GATD3: variants seen among roughly 807,000 people sequenced by gnomAD.
The protein encoded by GATD3 is glutamine amidotransferase-like class 1 domain-containing protein 3, mitochondrial.
the GATD3 span, among the ~76,000 whole-genome samples, chr21:44,142,047 C>T: frequency 5.3e-5 from 2 of 37,930 alleles, no homozygotes; most frequent in Admixed American, 3.2e-4. Flanking sequence ...CTGCAACCTC[C>T]GCCTCCCGGG....
At chr21:44,139,412 T>A in the GATD3 span, among the ~76,000 whole-genome samples, 8 of 37,532 alleles carry the variant, frequency 2.1e-4, no homozygotes, top group African/African-American at 4.2e-4. Flanking sequence ...GTTTCTTTTT[T>A]TGGGAACTCC....
At chr21:44,142,460 C>T in the GATD3 span, among the ~76,000 whole-genome samples, 1 of 57,938 alleles carries the variant, frequency 1.7e-5, no homozygotes, top group African/African-American at 3.6e-5. Context: ...CGTACTCCTT[C>T]CACTGTTGCC....
the GATD3 span, chr21:44,140,369 GA>G: frequency 9.1e-6 from 1 of 110,014 alleles, no homozygotes. Context: ...AGGCCTCGGG[GA>G]GGGAGGGAGG....
chr21:44,143,883 C>T, the GATD3 span, among the ~76,000 whole-genome samples: 12 of 57,046 alleles, frequency 2.1e-4, 5 homozygotes, highest in Middle Eastern at 0.031. Flanking sequence ...GCCAGCCTTG[C>T]GGCCCCCAGC....
the GATD3 span, among the ~76,000 whole-genome samples, chr21:44,139,811 A>T: frequency 6.9e-6 from 1 of 145,414 alleles, no homozygotes; most frequent in African/African-American, 2.5e-5. Context: ...TGAGACCCAC[A>T]GTCAGAAAGG....
chr21:44,133,688 C>T, the GATD3 span: 5 of 600,418 alleles, frequency 8.3e-6, 2 homozygotes, highest in East Asian at 2.4e-4. Context: ...ACCCCGCTGT[C>T]CTCACCGCAA....
the GATD3 span, chr21:44,141,498 A>G: frequency 1.5e-4 from 1 of 6,500 alleles, no homozygotes; most frequent in South Asian, 4.8e-4. Context: ...CTCCTCCCCA[A>G]TCCAGCCATG....
the GATD3 span, among the ~76,000 whole-genome samples, chr21:44,144,315 TG>T: frequency 7.1e-5 from 5 of 70,334 alleles, 2 homozygotes; most frequent in Non-Finnish European, 1.4e-4. Flanking sequence ...TGCATGGTGT[TG>T]GGGAGGCTCA....
the GATD3 span, among the ~76,000 whole-genome samples, chr21:44,144,213 C>T: frequency 3.4e-5 from 2 of 59,640 alleles, 1 homozygote; most frequent in African/African-American, 8.4e-5. Flanking sequence ...TGGGCAGGAG[C>T]GCAGTGCAAG....
chr21:44,142,714 T>C, the GATD3 span, among the ~76,000 whole-genome samples: 1 of 76,080 alleles, frequency 1.3e-5, no homozygotes, highest in Non-Finnish European at 4.4e-5. Context: ...GGTCGGAGGC[T>C]GGCGAGGCTG....
chr21:44,140,021 CCT>C, the GATD3 span, among the ~76,000 whole-genome samples: 1 of 93,488 alleles, frequency 1.1e-5, no homozygotes, highest in African/African-American at 3.3e-5. Context: ...GGGCGTGGGC[CCT>C]CTCGCCCTGG....
chr21:44,141,979 G>GGGCGGGTTTGTTTTGAGA, the GATD3 span, among the ~76,000 whole-genome samples: 2 of 51,814 alleles, frequency 3.9e-5, 1 homozygote, highest in East Asian at 1.3e-3. Context: ...GCAGTTTTGG[G>GGGCGGGTTTGTTTTGAGA]GGCGGGTTTG....
the GATD3 span, among the ~76,000 whole-genome samples, chr21:44,139,611 G>A: frequency 2.7e-5 from 2 of 73,868 alleles, 1 homozygote; most frequent in Non-Finnish European, 8.9e-5. Context: ...GATCGCACGG[G>A]TTGAGGGCTC....
At chr21:44,142,996 G>A in the GATD3 span, among the ~76,000 whole-genome samples, 1 of 16,950 alleles carries the variant, frequency 5.9e-5, no homozygotes, top group African/African-American at 1.0e-4. Flanking sequence ...TTGGCGGGGA[G>A]TGGGGCTGAG....
chr21:44,143,653 T>TTAGTCTGC, the GATD3 span, among the ~76,000 whole-genome samples: 1 of 70,452 alleles, frequency 1.4e-5, no homozygotes, highest in Admixed American at 1.5e-4. Context: ...GCCTGACTGT[T>TTAGTCTGC]TAGTCTGCTC....
the GATD3 span, among the ~76,000 whole-genome samples, chr21:44,141,935 A>G: frequency 2.2e-5 from 1 of 46,014 alleles, no homozygotes; most frequent in Admixed American, 2.6e-4. Context: ...GGGGGGTTTC[A>G]TCTCATAGGC....
At chr21:44,137,866 G>GTT in the GATD3 span, among the ~76,000 whole-genome samples, 6 of 29,750 alleles carry the variant, frequency 2.0e-4, no homozygotes, top group African/African-American at 4.2e-4. Flanking sequence ...CCATGGTTTT[G>GTT]TTTTTTTTTT....
the GATD3 span, among the ~76,000 whole-genome samples, chr21:44,142,734 C>T: frequency 4.7e-4 from 36 of 75,792 alleles, 8 homozygotes; most frequent in African/African-American, 1.0e-3. Context: ...GCTCCTGGCC[C>T]GTTGTGCCTC....
the GATD3 span, among the ~76,000 whole-genome samples, chr21:44,142,718 G>A: frequency 2.6e-5 from 2 of 76,130 alleles, 1 homozygote; most frequent in Non-Finnish European, 8.8e-5. Context: ...GGAGGCTGGC[G>A]AGGCTGCTCC....
Sources: allele counts gnomAD v4.1 joint callset (sites outside exome capture counted in the v4.1 genomes callset), GRCh38; gene constraint gnomAD v4.1.1; transcripts MANE v1.5; gene names NCBI Gene and HGNC (gene_info 2026-07-23, HGNC 2026-07-21).